The following MMP20 variants were observed in gnomAD, a reference collection of about 807,000 sequenced individuals.
The protein encoded by MMP20 is matrix metalloproteinase-20.
A neutral mutation model predicts 51.8 loss-of-function variants in MMP20; 50 were observed. The observed-to-expected ratio is 0.97, with a 90% CI of 0.77 to 1.22. MMP20 has a LOEUF of 1.22. Ranked by LOEUF, MMP20 falls within the 50% of genes most tolerant of loss-of-function variation. The pLI is 0.00. For missense variants in MMP20, 663 were observed against 601.4 expected, an observed-to-expected ratio of 1.10 and a Z score of -1.07; for synonymous variants, 244 against 216.2, an observed-to-expected ratio of 1.13 and a Z score of -1.13.
At position 102,606,535 on chromosome 11, in the gene MMP20, C is replaced by T. The variant is rs778278609; in HGVS notation, c.953G>A (p.Arg318Gln). ...AGTCGGTGGCGTGTCTGAGGCTTAC[C>T]GGTCCTTGAAGAGCAGGAGCTCCTT... ...LGKELLLFKD[R>Q]IFWRRQVHLR... The change falls in exon 6 of 10, where the codon CGG (arginine) becomes CAG (glutamine). Residue 318 changes from arginine to glutamine, a missense_variant and splice_region_variant. Coordinates refer to ENST00000260228, the MANE Select transcript of MMP20 (RefSeq NM_004771.4). 22 of 1,613,670 alleles carry T rather than the reference C, an allele frequency of 1.4e-5. No homozygotes were observed. Among genetic ancestry groups the T allele is most frequent in the South Asian group, 4.4e-5 (4 of 91,064 alleles).
At chr11:102,597,702 A>G (rs989184681) in intron 6 of MMP20, among the ~76,000 whole-genome samples, 1 of 152,256 alleles carries the variant, frequency 6.6e-6, no homozygotes, top group African/African-American at 2.4e-5. Flanking sequence ...AGTGTAATGT[A>G]TATAATGTGC....
intron 6 of MMP20, among the ~76,000 whole-genome samples, chr11:102,602,132 T>A (rs1318571455): frequency 1.8e-4 from 13 of 73,134 alleles, no homozygotes; most frequent in East Asian, 3.1e-4. Flanking sequence ...TTTTTTTTTT[T>A]TTTTTTTTTG....
At position 102,577,363 on chromosome 11, in the gene MMP20, AC is replaced by A. The variant is rs776177733; in HGVS notation, c.1414del (p.Val472LeufsTer4). ...CCAGGAACTAGATTTCACCACACTA[AC>A]CACATCTTCCTTCTCTGTGTCATAC... ...YKYDTEKEDV[V>X]SVVKSSSWIG... On this transcript the variant is annotated frameshift_variant, in exon 10 of 10. Transcript: ENST00000260228. LOFTEE classifies it high-confidence loss of function. 1.1e-5 allele frequency: 17 copies of A among 1,613,884 alleles called. No individual in the cohort carries two copies. The highest frequency in any genetic ancestry group is 1.4e-5 in the Non-Finnish European group (16 of 1,179,916).
At chr11:102,609,778 T>C in intron 4 of MMP20, 127 bp downstream of exon 4, 2 of 1,369,086 alleles carry the variant, frequency 1.5e-6, no homozygotes, top group Non-Finnish European at 2.1e-6. Flanking sequence ...ATTTTTGGCT[T>C]ACTTGTTTTT....
In MMP20 at chr11:102,609,990, A is replaced by T; in HGVS notation, c.564T>A (p.Thr188=). ...CTCCAGGAGCAAATGCATGGGCTAG[A>T]GTCCCCCGAGGCCCATCGAATGGAT... ...DSYPFDGPRG[T]LAHAFAPGEG... is the part of the protein sequence containing the mutation. Residue 188 remains threonine, a synonymous_variant, in exon 4 of 10, where the codon ACT becomes ACA. Transcript: ENST00000260228. 6.2e-7 allele frequency: 1 copy of T among 1,614,184 alleles called. No individual in the cohort carries two copies.
At chr11:102,600,661 A>G (rs976568785) in intron 6 of MMP20, among the ~76,000 whole-genome samples, 3 of 151,774 alleles carry the variant, frequency 2.0e-5, no homozygotes, top group African/African-American at 7.3e-5. Flanking sequence ...TTTTTTTTGT[A>G]TTTTTAGTAG....
At chr11:102,579,193 T>C in intron 8 of MMP20, 51 bp from the exon 9 acceptor site, 1 of 1,307,900 alleles carries the variant, frequency 7.6e-7, no homozygotes, top group East Asian at 2.4e-5. Flanking sequence ...TTTTTACTGG[T>C]TGTAGATGAC....
At chr11:102,593,298 T>C (rs1439352592) in intron 8 of MMP20, 141 bp downstream of exon 8, 4 of 721,914 alleles carry the variant, frequency 5.5e-6, no homozygotes, top group East Asian at 2.7e-5. Context: ...GTCAACCATC[T>C]GTAAATCGCA....
At chr11:102,608,816 AGTTGGG>A in intron 5 of MMP20, 115 bp downstream of exon 5, 1 of 1,051,656 alleles carries the variant, frequency 9.5e-7, no homozygotes, top group Non-Finnish European at 1.5e-6. Flanking sequence ...AAGAAGGCAT[AGTTGGG>A]GTTATGGTTT....
intron 6 of MMP20, among the ~76,000 whole-genome samples, chr11:102,603,425 G>C (rs1464907490): frequency 3.3e-5 from 5 of 152,156 alleles, no homozygotes; most frequent in African/African-American, 1.2e-4. Flanking sequence ...GTAGTTAGGG[G>C]CACGGATTCT....
intron 6 of MMP20, among the ~76,000 whole-genome samples, chr11:102,602,628 G>A (rs1164333079): frequency 6.6e-6 from 1 of 152,170 alleles, no homozygotes; most frequent in Non-Finnish European, 1.5e-5. Context: ...ATAGATTCTG[G>A]ACTGGAGTCA....
intron 8 of MMP20, among the ~76,000 whole-genome samples, chr11:102,582,474 C>T (rs1346171585): frequency 1.3e-5 from 2 of 152,116 alleles, no homozygotes; most frequent in African/African-American, 4.8e-5. Context: ...ATCTGAAATT[C>T]CATTTTGAAG....
Position 102,620,566 on chromosome 11 carries a change from A to G in MMP20, c.127-3507T>C, listed in dbSNP as rs528187756. ...GTCCTCTCTCCACTTCTCTTCTGGT[A>G]TCTGACAGATAAAAGTACAGGAGGC... On this transcript the variant is annotated intron_variant, in intron 1 of 9. Transcript: ENST00000260228. 2.6e-5 allele frequency among the ~76,000 whole-genome samples: 4 copies of G among 152,292 alleles called. No individual in the cohort carries two copies. The East Asian group carries it at 7.7e-4, about 29-fold the overall frequency.
intron 8 of MMP20, among the ~76,000 whole-genome samples, chr11:102,590,550 G>C (rs1376565812): frequency 1.3e-5 from 2 of 152,056 alleles, no homozygotes; most frequent in Admixed American, 1.3e-4. Context: ...ACTAAAACTG[G>C]GTCCAAACTC....
chr11:102,594,839 T>C, intron 6 of MMP20, 82 bp from the exon 7 acceptor site: 4 of 1,544,134 alleles, frequency 2.6e-6, no homozygotes, highest in Non-Finnish European at 3.5e-6. Context: ...TTGACTGAAA[T>C]GTACTCAGAG....
intron 6 of MMP20, among the ~76,000 whole-genome samples, chr11:102,603,783 A>G (rs116961908): frequency 6.6e-6 from 1 of 152,142 alleles, no homozygotes; most frequent in Non-Finnish European, 1.5e-5. Flanking sequence ...AGCTCATTGA[A>G]TCTGAAATGG....
intron 6 of MMP20, among the ~76,000 whole-genome samples, chr11:102,596,002 A>G (rs375329147): frequency 6.6e-6 from 1 of 152,192 alleles, no homozygotes; most frequent in East Asian, 1.9e-4. Flanking sequence ...TAATCTAACA[A>G]ATATTTATGG....
chr11:102,606,582 A>G lies in MMP20; in HGVS notation c.906T>C (p.Phe302=). 2 of 1,614,072 alleles carry G rather than the reference A, an allele frequency of 1.2e-6. No individual in the cohort carries two copies. The highest frequency in any genetic ancestry group is 1.7e-6 in the Non-Finnish European group (2 of 1,179,950). Residue 302 remains phenylalanine, a synonymous_variant, in exon 6 of 10, where the codon TTT becomes TTC. Coordinates refer to ENST00000260228, the MANE Select transcript of MMP20 (RefSeq NM_004771.4). ...IPDLCDSSSS[F]DAVTMLGKEL... ...CCTTCCCCAGCATTGTCACAGCGTC[A>G]AAGGATGAGCTGGAGTCACAGAGGT...
chr11:102,593,433 C>G lies in MMP20; in HGVS notation c.1247+6G>C, dbSNP rs551438274. The G allele has an allele frequency of 6.2e-7, 1 of 1,613,184 alleles. No homozygotes were observed. The highest frequency in any genetic ancestry group is 2.2e-5 in the East Asian group (1 of 44,880). ...AGATAGATAGTAAAAAGGAAAAAAG[C>G]CATACCTGTAGTATTCATCTCCCAC... On this transcript the variant is annotated splice_donor_region_variant and intron_variant, in intron 8 of 9. Coordinates refer to ENST00000260228, the MANE Select transcript of MMP20 (RefSeq NM_004771.4).
Sources: gnomAD v4.1 joint callset for allele counts (sites outside exome capture counted in the v4.1 genomes callset) on GRCh38, gnomAD v4.1.1 for gene constraint, MANE v1.5 for transcripts, NCBI Gene and HGNC (gene_info 2026-07-23, HGNC 2026-07-21) for gene names.